LSM12: variants seen among roughly 807,000 people sequenced by gnomAD.
LSM12 encodes LSM12 homolog.
For synonymous variants in LSM12, 74 were observed against 87.3 expected (o/e 0.85, Z 0.85); for missense variants, 108 against 238.9 (o/e 0.45, Z 3.61).
Position 44,066,666 on chromosome 17 carries a change from G to C in LSM12, c.-79C>G, listed in dbSNP as rs1405344687. 7.9e-7 allele frequency: 1 copy of C among 1,263,234 alleles called. No individual in the cohort carries two copies. Among genetic ancestry groups the C allele is most frequent in the Non-Finnish European group, 1.0e-6 (1 of 1,000,120 alleles). 78.3% of individuals were successfully genotyped at this position (1,263,234 alleles called of 1,614,324 possible). A position where few individuals can be genotyped will look rare whatever the true frequency, so the allele number is the denominator to read the frequency against. ...GGGCCCCCAGTGAGCGCCGCGACGC[G>C]ACGGCGCGCACGGAGCGTGCTTGCG... is the stretch of plus-strand genomic sequence containing the variant. On this transcript the variant is annotated 5_prime_UTR_variant, in exon 1 of 5. Transcript: ENST00000293406.
chr17:44,050,109 AT>A (rs1462317375), intron 2 of LSM12, among the ~76,000 whole-genome samples: 1 of 151,686 alleles, frequency 6.6e-6, no homozygotes, highest in Non-Finnish European at 1.5e-5. Flanking sequence ...TTTTATTTTT[AT>A]TTTTTTGAGA....
At chr17:44,058,519 C>G (rs1361674344) in intron 2 of LSM12, among the ~76,000 whole-genome samples, 2 of 151,754 alleles carry the variant, frequency 1.3e-5, no homozygotes, top group African/African-American at 4.8e-5. Flanking sequence ...CTGGGCCACA[C>G]AGTAAGACCC....
chr17:44,055,702 A>C (rs1008772620), intron 2 of LSM12, among the ~76,000 whole-genome samples: 1 of 144,962 alleles, frequency 6.9e-6, no homozygotes, highest in Non-Finnish European at 1.5e-5. Context: ...ATATATATAT[A>C]TAATATATAA....
intron 2 of LSM12, among the ~76,000 whole-genome samples, chr17:44,051,004 T>A (rs940278315): frequency 6.6e-6 from 1 of 152,092 alleles, no homozygotes; most frequent in African/African-American, 2.4e-5. Context: ...CTGGACGTAG[T>A]GGCTCACGCC....
chr17:44,040,157 T>C lies in LSM12; in HGVS notation c.358A>G (p.Ile120Val). Residue 120 changes from isoleucine to valine, a missense_variant, in exon 3 of 5, where the codon ATT becomes GTT. Transcript: ENST00000293406. ...SLEGQQLFQT[I>V]HKTIKDCKWQ... is the part of the protein sequence containing the mutation. ...CCGATCCCAACTCACGTCTTGTGAA[T>C]GGTCTGGAAGAGCTGCTGGCCCTCT... 6.2e-7 allele frequency: 1 copy of C among 1,612,880 alleles called. No individual in the cohort carries two copies. Among genetic ancestry groups the C allele is most frequent in the Admixed American group, 1.7e-5 (1 of 60,008 alleles).
intron 4 of LSM12, 182 bp downstream of exon 4, chr17:44,037,230 C>A: frequency 1.7e-6 from 1 of 584,102 alleles, no homozygotes. Flanking sequence ...CCACACCACC[C>A]AGTGGTTCCA....
At chr17:44,048,140 C>A (rs2144087909) in intron 2 of LSM12, among the ~76,000 whole-genome samples, 1 of 152,150 alleles carries the variant, frequency 6.6e-6, no homozygotes, top group Non-Finnish European at 1.5e-5. Flanking sequence ...TTATTTCTCC[C>A]AGTCTATGGC....
At chr17:44,041,911 GCTGAGT>G (rs1023211358) in intron 2 of LSM12, among the ~76,000 whole-genome samples, 9 of 152,230 alleles carry the variant, frequency 5.9e-5, no homozygotes, top group African/African-American at 2.2e-4. Context: ...AACATGAACA[GCTGAGT>G]CTAACAATGC....
intron 1 of LSM12, among the ~76,000 whole-genome samples, chr17:44,064,638 C>T (rs2049845360): frequency 6.6e-6 from 1 of 150,474 alleles, no homozygotes; most frequent in Non-Finnish European, 1.5e-5. Context: ...GAGCCTGAGG[C>T]AGGAGAATCA....
intron 2 of LSM12, among the ~76,000 whole-genome samples, chr17:44,053,862 G>C (rs770636736): frequency 2.0e-5 from 3 of 151,970 alleles, no homozygotes; most frequent in Non-Finnish European, 4.4e-5. Flanking sequence ...CACTTGTTTG[G>C]TTCCCCTATC....
chr17:44,066,343 G>A (rs2049876514), intron 1 of LSM12, 121 bp downstream of exon 1: 2 of 1,309,298 alleles, frequency 1.5e-6, no homozygotes, highest in Admixed American at 3.5e-5. Flanking sequence ...CGCCCCGGGC[G>A]CCGCGGTAGC....
chr17:44,058,420 G>A (rs918821595), intron 2 of LSM12, among the ~76,000 whole-genome samples: 2 of 151,980 alleles, frequency 1.3e-5, no homozygotes, highest in South Asian at 2.1e-4. Flanking sequence ...CGTTACCTAG[G>A]GGCTGGGCCA....
intron 2 of LSM12, among the ~76,000 whole-genome samples, chr17:44,056,295 C>CAA (rs76757105): frequency 7.1e-4 from 64 of 89,546 alleles, no homozygotes; most frequent in African/African-American, 2.3e-3. Context: ...AACTCTGTCT[C>CAA]AAAAAAAAAA....
chr17:44,041,281 AAAAAAACAAACAC>A (rs749531454), intron 2 of LSM12, among the ~76,000 whole-genome samples: 17 of 131,212 alleles, frequency 1.3e-4, no homozygotes, highest in Admixed American at 2.5e-4. Flanking sequence ...TTTAAAAAAA[AAAAAAACAAACAC>A]ACACACACAC....
intron 1 of LSM12, among the ~76,000 whole-genome samples, chr17:44,065,439 T>TAA (rs35086714): frequency 9.7e-5 from 11 of 113,578 alleles, no homozygotes; most frequent in Admixed American, 1.9e-4. Context: ...GACTCCATCT[T>TAA]AAAAAAAAAA....
In LSM12 at chr17:44,041,334, A is replaced by AACACACAC. The variant is rs1389054042; in HGVS notation, c.259-1086_259-1079dup. On this transcript the variant is annotated intron_variant, in intron 2 of 4. Coordinates refer to ENST00000293406, the MANE Select transcript of LSM12 (RefSeq NM_001371445.1). ...ACACACACACACACACACACACACAAACACACACACACACACAGAATTTCC... is the reference window on the plus strand; with the variant it reads ...ACACACACACACACACACACACACAAACACACACACACACACACACACACAGAATTTCC... Among the ~76,000 whole-genome samples, 280 of 104,542 alleles carry AACACACAC rather than the reference A, an allele frequency of 2.7e-3. 2 individuals carry two copies. The highest frequency in any genetic ancestry group is 6.6e-3 in the African/African-American group (173 of 26,260). The allele number at this position is 104,542 out of a possible 152,430, so 68.6% of individuals were successfully genotyped here. A position where few individuals can be genotyped will look rare whatever the true frequency, so the allele number is the denominator to read the frequency against.
chr17:44,036,355 C>A, intron 4 of LSM12, 55 bp from the exon 5 acceptor site: 6 of 1,608,206 alleles, frequency 3.7e-6, no homozygotes, highest in Non-Finnish European at 5.1e-6. Flanking sequence ...GAAAGGTCTC[C>A]CAAACAATCC....
intron 2 of LSM12, among the ~76,000 whole-genome samples, chr17:44,055,762 TAAA>T (rs2049705693): frequency 6.8e-6 from 1 of 146,920 alleles, no homozygotes; most frequent in African/African-American, 2.5e-5. Flanking sequence ...TATATATAAA[TAAA>T]AAGATATAAC....
At chr17:44,064,003 A>G (rs1044722395) in intron 1 of LSM12, 69 bp from the exon 2 acceptor site, 9 of 1,553,328 alleles carry the variant, frequency 5.8e-6, no homozygotes, top group Admixed American at 5.5e-5. Context: ...CAAAAGGGGC[A>G]TAGAAAACAC....
Sources: allele counts gnomAD v4.1 joint callset (sites outside exome capture counted in the v4.1 genomes callset), GRCh38; gene constraint gnomAD v4.1.1; transcripts MANE v1.5; gene names NCBI Gene and HGNC (gene_info 2026-07-23, HGNC 2026-07-21).